The following LARGE1 variants were observed in gnomAD, a reference collection of about 807,000 sequenced individuals.
LARGE1 encodes the protein xylosyl- and glucuronyltransferase LARGE1.
Under a neutral mutation model 87.6 loss-of-function variants are expected in LARGE1, and 43 were observed. The ratio of observed to expected loss-of-function variants is 0.49; its 90% CI spans 0.38 to 0.63. The LOEUF (loss-of-function observed/expected upper bound fraction) is 0.63. Ranked by LOEUF, LARGE1 falls within the 30% of genes least tolerant of loss-of-function variation. LARGE1 has a pLI of 0.00. For synonymous variants in LARGE1, 434 were observed against 394.6 expected, an observed-to-expected ratio of 1.10 and a Z score of -1.18; for missense variants, 802 against 1,000.2, an observed-to-expected ratio of 0.80 and a Z score of 2.67.
In LARGE1 at chr22:33,623,721, A is replaced by C. The variant is rs553790576; in HGVS notation, c.491+2523T>G. 7.9e-5 allele frequency among the ~76,000 whole-genome samples: 12 copies of C among 152,176 alleles called. No individual in the cohort carries two copies. In the East Asian group the frequency reaches 1.5e-3, roughly 20 times the overall value. ...TAACTGATTTAAAAAAAAAAAAAAA[A>C]AAAACCTAAAGTCTAAAGAGTTAAA... On this transcript the variant is annotated intron_variant, in intron 4 of 14. Transcript: ENST00000397394.
chr22:33,344,250 C>G (rs183569960), intron 9 of LARGE1, among the ~76,000 whole-genome samples: 1 of 152,212 alleles, frequency 6.6e-6, no homozygotes, highest in Admixed American at 6.5e-5. Flanking sequence ...GATTTTCTTT[C>G]TATTATATCT....
the LARGE1 span, among the ~76,000 whole-genome samples, chr22:33,114,138 A>T: frequency 6.6e-6 from 1 of 151,654 alleles, no homozygotes; most frequent in Non-Finnish European, 1.5e-5. Context: ...AGCCTCCCAA[A>T]GTGCTGGGAT....
At chr22:33,152,773 C>G in the LARGE1 span, among the ~76,000 whole-genome samples, 1 of 152,066 alleles carries the variant, frequency 6.6e-6, no homozygotes, top group African/African-American at 2.4e-5. Context: ...TTATTTTCAC[C>G]ATATAAATAT....
chr22:33,320,302 G>T lies in LARGE1; in HGVS notation c.1288-4054C>A, dbSNP rs565008217. Among the ~76,000 whole-genome samples, 8 of 151,934 alleles carry T rather than the reference G, an allele frequency of 5.3e-5. No individual in the cohort carries two copies. In the South Asian group the frequency reaches 1.7e-3, roughly 32 times the overall value. ...TCCGTGCCATGCTCTTCCCTCTCGG[G>T]GATGCCCTCCCTCACTTCACTCCAC... On this transcript the variant is annotated intron_variant, in intron 10 of 14. Coordinates refer to ENST00000397394, the MANE Select transcript of LARGE1 (RefSeq NM_133642.5).
intron 11 of LARGE1, among the ~76,000 whole-genome samples, chr22:33,309,982 G>A (rs1190923702): frequency 1.3e-5 from 2 of 152,290 alleles, no homozygotes; most frequent in Admixed American, 6.5e-5. Flanking sequence ...ACATCGCTCT[G>A]CCTGTTACAT....
At chr22:33,654,317 A>C (rs1250391860) in intron 2 of LARGE1, among the ~76,000 whole-genome samples, 3 of 152,170 alleles carry the variant, frequency 2.0e-5, no homozygotes, top group African/African-American at 4.8e-5. Context: ...TTAAAGGTCC[A>C]TTATCTTGAG....
intron 6 of LARGE1, among the ~76,000 whole-genome samples, chr22:33,454,738 G>T (rs924755423): frequency 1.3e-5 from 2 of 152,126 alleles, no homozygotes; most frequent in African/African-American, 4.8e-5. Context: ...GCACAGTCAT[G>T]GCGGAAGGCA....
At chr22:33,453,332 T>C (rs1473540476) in intron 6 of LARGE1, among the ~76,000 whole-genome samples, 5 of 152,056 alleles carry the variant, frequency 3.3e-5, no homozygotes, top group Admixed American at 3.3e-4. Flanking sequence ...GGAGAATCGC[T>C]TGAACCTGGG....
At chr22:33,745,821 C>T (rs138449484) in intron 2 of LARGE1, among the ~76,000 whole-genome samples, 164 of 152,188 alleles carry the variant, frequency 1.1e-3, no homozygotes, top group Non-Finnish European at 1.8e-3. Flanking sequence ...GTGGAAGTTC[C>T]GACCTAGTAC....
chr22:33,434,986 TTTTG>T (rs951294754), intron 6 of LARGE1, among the ~76,000 whole-genome samples: 8 of 152,128 alleles, frequency 5.3e-5, no homozygotes, highest in East Asian at 1.9e-4. Flanking sequence ...TCCTACTGTT[TTTTG>T]TTTGTTTGTT....
chr22:33,814,383 G>A (rs145160945), intron 1 of LARGE1, among the ~76,000 whole-genome samples: 1 of 152,192 alleles, frequency 6.6e-6, no homozygotes, highest in Non-Finnish European at 1.5e-5. Context: ...TAATGACTGT[G>A]ATGGTTAGTT....
At chr22:33,138,176 G>A in the LARGE1 span, among the ~76,000 whole-genome samples, 1 of 152,184 alleles carries the variant, frequency 6.6e-6, no homozygotes, top group Non-Finnish European at 1.5e-5. Flanking sequence ...TCTACCTCTT[G>A]CATTGTCATG....
chr22:33,210,853 G>A (rs755883246), intron 11 of LARGE1, among the ~76,000 whole-genome samples: 32 of 152,370 alleles, frequency 2.1e-4, no homozygotes, highest in Non-Finnish European at 4.0e-4. Context: ...CCCCCAAAAT[G>A]TGGGTGAGTC....
At chr22:33,239,107 T>C (rs889890772) in intron 11 of LARGE1, among the ~76,000 whole-genome samples, 2 of 134,750 alleles carry the variant, frequency 1.5e-5, no homozygotes, top group African/African-American at 6.5e-5. Context: ...TTATTAGGAA[T>C]GTAAAAAAAA....
chr22:33,368,809 C>T (rs2064694644), intron 9 of LARGE1, among the ~76,000 whole-genome samples: 1 of 152,144 alleles, frequency 6.6e-6, no homozygotes, highest in Non-Finnish European at 1.5e-5. Context: ...ACACTGTACT[C>T]TGTTAAGTGT....
At chr22:33,275,235 G>C (rs1244831466) in intron 14 of LARGE1, among the ~76,000 whole-genome samples, 1 of 152,176 alleles carries the variant, frequency 6.6e-6, no homozygotes, top group Admixed American at 6.5e-5. Flanking sequence ...CAACTTGGCA[G>C]AATACAGCTT....
intron 6 of LARGE1, among the ~76,000 whole-genome samples, chr22:33,539,976 C>T (rs1158109957): frequency 6.6e-6 from 1 of 152,130 alleles, no homozygotes; most frequent in East Asian, 1.9e-4. Flanking sequence ...ACCATGTGAC[C>T]TCAGATGCCT....
chr22:33,843,444 T>TAAAA (rs980390923), intron 1 of LARGE1, among the ~76,000 whole-genome samples: 1 of 148,718 alleles, frequency 6.7e-6, no homozygotes, highest in African/African-American at 2.5e-5. Flanking sequence ...CTCAAAAAAA[T>TAAAA]AAATAAATAA....
chr22:33,872,435 G>A (rs9607084), intron 1 of LARGE1, among the ~76,000 whole-genome samples: 99,821 of 149,958 alleles, frequency 0.67, 33,334 homozygotes, highest in South Asian at 0.71. Context: ...AATTTAACAC[G>A]GCTCCTAAGA....
Sources: gnomAD v4.1 joint callset for allele counts (sites outside exome capture counted in the v4.1 genomes callset) on GRCh38, gnomAD v4.1.1 for gene constraint, MANE v1.5 for transcripts, NCBI Gene and HGNC (gene_info 2026-07-23, HGNC 2026-07-21) for gene names.